Variants in TENM1 observed in about 807,000 individuals in gnomAD.
TENM1 encodes the protein teneurin-1.
A neutral mutation model predicts 174.8 loss-of-function variants in TENM1; 35 were observed. The observed-to-expected ratio is 0.20, with a 90% CI of 0.15 to 0.27. The LOEUF (loss-of-function observed/expected upper bound fraction) is 0.27. Ranked by LOEUF, TENM1 falls within the 10% of genes least tolerant of loss-of-function variation. The pLI is 1.00. For missense variants in TENM1, 1,633 were observed against 2,130.1 expected, an observed-to-expected ratio of 0.77 and a Z score of 4.59; for synonymous variants, 781 against 798.7, an observed-to-expected ratio of 0.98 and a Z score of 0.37.
At chrX:124,987,854 C>T in the TENM1 span, among the ~76,000 whole-genome samples, 2 of 110,653 alleles carry the variant, frequency 1.8e-5, no homozygotes, top group African/African-American at 6.5e-5. Context: ...TTTTAGAACA[C>T]ATCTAAACCT....
chrX:124,494,742 T>TATGAGTGAGA (rs898035332), intron 20 of TENM1, among the ~76,000 whole-genome samples: 26 of 105,942 alleles, frequency 2.5e-4, no homozygotes, highest in African/African-American at 7.2e-4. Context: ...AATTCCCACC[T>TATGAGTGAGA]ATGAGTGAGA....
intron 3 of TENM1, among the ~76,000 whole-genome samples, chrX:124,757,895 AG>A (rs767265280): frequency 1.4e-3 from 154 of 112,599 alleles, no homozygotes; most frequent in African/African-American, 4.9e-3. Flanking sequence ...TGAAAATGTA[AG>A]ACAAACAAAC....
intron 16 of TENM1, 70 bp from the exon 20 acceptor site, chrX:124,523,695 T>G: frequency 9.5e-7 from 1 of 1,054,363 alleles, no homozygotes; most frequent in Non-Finnish European, 1.3e-6. Context: ...AAAAATAGGT[T>G]AATTTCAGTG....
In TENM1 at chrX:124,641,834, T is replaced by C. The variant is rs148717934; in HGVS notation, c.2034A>G (p.Val678=). ...CTGTCCACTTGGGATCACAGCTGCA[T>C]ACTCCAGCGTCCAGAAGAAAAGTTC... Residue 678 remains valine, a synonymous_variant, in exon 11 of 32, where the codon GTA becomes GTG. Transcript: ENST00000422452. The C allele has an allele frequency of 4.1e-6, 5 of 1,210,064 alleles. No individual in the cohort carries two copies. The East Asian group carries it at 8.9e-5, about 22-fold the overall frequency.
the TENM1 span, among the ~76,000 whole-genome samples, chrX:124,977,765 G>A: frequency 9.0e-6 from 1 of 110,511 alleles, no homozygotes; most frequent in Non-Finnish European, 1.9e-5. Context: ...CAATGCTCTT[G>A]AGGTTTATCC....
At chrX:124,498,753 T>C (rs140844457) in intron 19 of TENM1, among the ~76,000 whole-genome samples, 1 of 110,322 alleles carries the variant, frequency 9.1e-6, no homozygotes, top group East Asian at 2.9e-4. Flanking sequence ...AGCTCTGTTA[T>C]AACATTTACC....
At chrX:124,451,392 T>A (rs1243315664) in intron 23 of TENM1, among the ~76,000 whole-genome samples, 1 of 112,105 alleles carries the variant, frequency 8.9e-6, no homozygotes, top group Non-Finnish European at 1.9e-5. Context: ...TAGCTATTTA[T>A]ATACATGTGA....
intron 4 of TENM1, among the ~76,000 whole-genome samples, chrX:124,719,793 T>A (rs762675773): frequency 1.8e-5 from 2 of 112,203 alleles, no homozygotes; most frequent in Non-Finnish European, 3.8e-5. Context: ...ACTTGGCAAA[T>A]ATAATATTAA....
At chrX:125,104,936 C>G in the TENM1 span, among the ~76,000 whole-genome samples, 1 of 111,842 alleles carries the variant, frequency 8.9e-6, no homozygotes, top group East Asian at 2.8e-4. Context: ...TCTTCCATAA[C>G]TAACTATAAA....
At chrX:124,408,813 T>TC (rs1426942288) in intron 25 of TENM1, among the ~76,000 whole-genome samples, 1 of 40,672 alleles carries the variant, frequency 2.5e-5, no homozygotes, top group African/African-American at 1.1e-4. Flanking sequence ...ATGCTATCCC[T>TC]CCCCCCTCCC....
intron 21 of TENM1, among the ~76,000 whole-genome samples, chrX:124,484,786 C>T (rs956019632): frequency 6.3e-5 from 7 of 110,975 alleles, no homozygotes; most frequent in African/African-American, 2.0e-4. Flanking sequence ...CCCTGGTTCC[C>T]TTTATTGGAG....
chrX:124,498,274 A>G (rs1435531459), intron 19 of TENM1, among the ~76,000 whole-genome samples: 1 of 110,729 alleles, frequency 9.0e-6, no homozygotes, highest in Admixed American at 9.6e-5. Context: ...TTTCTCCCCT[A>G]TTCCTACATT....
the TENM1 span, among the ~76,000 whole-genome samples, chrX:124,992,509 TA>T: frequency 1.8e-5 from 2 of 111,378 alleles, no homozygotes; most frequent in East Asian, 5.7e-4. Context: ...AGAGAAACAA[TA>T]ACCCCCTTTC....
intron 16 of TENM1, among the ~76,000 whole-genome samples, chrX:124,526,051 G>A (rs777097677): frequency 1.8e-5 from 2 of 111,667 alleles, no homozygotes; most frequent in Admixed American, 9.5e-5. Flanking sequence ...TCTTATGATC[G>A]TTCATTTTAT....
chrX:125,137,182 C>G, the TENM1 span, among the ~76,000 whole-genome samples: 17 of 110,865 alleles, frequency 1.5e-4, no homozygotes, highest in Admixed American at 1.6e-3. Flanking sequence ...AAAGTGCCTA[C>G]CAGTTCTTGG....
chrX:125,146,600 G>C, the TENM1 span, among the ~76,000 whole-genome samples: 1 of 111,148 alleles, frequency 9.0e-6, no homozygotes, highest in South Asian at 3.8e-4. Context: ...GAGAATTAAG[G>C]GTACATAAAG....
chrX:125,017,981 A>G, the TENM1 span, among the ~76,000 whole-genome samples: 2 of 111,616 alleles, frequency 1.8e-5, no homozygotes, highest in African/African-American at 3.2e-5. Flanking sequence ...ACAAACCTGC[A>G]CTTTCTGCAG....
intron 4 of TENM1, among the ~76,000 whole-genome samples, chrX:124,720,735 G>A (rs1183767565): frequency 8.9e-6 from 1 of 112,275 alleles, no homozygotes; most frequent in Non-Finnish European, 1.9e-5. Context: ...CAGGAAAAAT[G>A]ACTTCATAGA....
chrX:124,753,095 C>T (rs1170322798), intron 3 of TENM1, among the ~76,000 whole-genome samples: 5 of 109,093 alleles, frequency 4.6e-5, no homozygotes, highest in Admixed American at 9.7e-5. Context: ...GCCATTTTCA[C>T]GATATTGATT....
Sources: gnomAD v4.1 joint callset for allele counts (sites outside exome capture counted in the v4.1 genomes callset) on GRCh38, gnomAD v4.1.1 for gene constraint, MANE v1.5 for transcripts, NCBI Gene and HGNC (gene_info 2026-07-23, HGNC 2026-07-21) for gene names.